The following NBN variants were observed in gnomAD, a reference collection of about 807,000 sequenced individuals.
NBN encodes Nijmegen breakage syndrome 1 (nibrin).
NBN carries 88 observed loss-of-function variants against 90.8 expected under a neutral mutation model. That is an observed-to-expected ratio of 0.97 (90% CI 0.82 to 1.16). NBN has a LOEUF of 1.16. Among genes scored for constraint, NBN ranks in the 50% most tolerant of loss-of-function variants. NBN has a pLI of 0.00. For synonymous variants in NBN, 328 were observed against 295.1 expected (o/e 1.11, Z -1.14); for missense variants, 894 against 869.6 (o/e 1.03, Z -0.35).
At chr8:89,951,589 A>C (rs1035487936) in intron 11 of NBN, among the ~76,000 whole-genome samples, 1 of 152,234 alleles carries the variant, frequency 6.6e-6, no homozygotes, top group Non-Finnish European at 1.5e-5. Context: ...ATGTAAATGT[A>C]TTAAACTTAG....
At chr8:89,968,613 A>C (rs1239186312) in intron 7 of NBN, among the ~76,000 whole-genome samples, 1 of 152,122 alleles carries the variant, frequency 6.6e-6, no homozygotes, top group Non-Finnish European at 1.5e-5. Context: ...TTAATGTATT[A>C]CTGCTGTTGC....
rs1224775392 is a variant in NBN at position 89,984,660 on chromosome 8, A to G, written c.-99T>C. The G allele has an allele frequency of 5.8e-6, 9 of 1,548,616 alleles. No homozygotes were observed. The highest frequency in any genetic ancestry group is 6.1e-6 in the Non-Finnish European group (7 of 1,141,746). On this transcript the variant is annotated 5_prime_UTR_variant, in exon 1 of 16. Coordinates refer to ENST00000265433, the MANE Select transcript of NBN (RefSeq NM_002485.5). ...GCCTGCGGTCGGCATGGGCTCCGGGACGTGCGCGCTCCCGGGAGCCACGCA... is the reference window on the plus strand; with the variant it reads ...GCCTGCGGTCGGCATGGGCTCCGGGGCGTGCGCGCTCCCGGGAGCCACGCA...
chr8:89,978,779 G>A (rs928868088), intron 4 of NBN, among the ~76,000 whole-genome samples: 2 of 152,122 alleles, frequency 1.3e-5, no homozygotes, highest in African/African-American at 4.8e-5. Flanking sequence ...TTGTAACTAT[G>A]CAATAAAGCC....
chr8:89,955,282 CCTT>C lies in NBN; in HGVS notation c.1395_1397del (p.Arg466del). The C allele has an allele frequency of 6.2e-7, 1 of 1,613,214 alleles. No individual in the cohort carries two copies. The highest frequency in any genetic ancestry group is 8.5e-7 in the Non-Finnish European group (1 of 1,179,402). The stretch of plus-strand genomic sequence containing the variant: ...CATGAGAGAAGTTATCAAAAACAGA[CCTT>C]TTTTTGGTAGACGGCTGAAAGTAGT... On this transcript the variant is annotated inframe_deletion and splice_region_variant, in exon 10 of 16. Coordinates refer to ENST00000265433, the MANE Select transcript of NBN (RefSeq NM_002485.5).
Position 89,971,161 on chromosome 8 carries a change from T to C in NBN, c.702+12A>G. 1 of 1,609,682 alleles carries C rather than the reference T, an allele frequency of 6.2e-7. No individual in the cohort carries two copies. Among genetic ancestry groups the C allele is most frequent in the Non-Finnish European group, 8.5e-7 (1 of 1,176,884 alleles). On this transcript the variant is annotated intron_variant, in intron 6 of 15. Transcript: ENST00000265433. Reference sequence around the variant, plus strand: ...GTATTCTTTAGGAAAATTTAGCTTATAACATAATTACCTGTTTGGCATTCA... The same window carrying C: ...GTATTCTTTAGGAAAATTTAGCTTACAACATAATTACCTGTTTGGCATTCA...
At chr8:89,959,006 C>T (rs1041043746) in intron 8 of NBN, 152 bp from the exon 9 acceptor site, 10 of 1,002,966 alleles carry the variant, frequency 1.0e-5, no homozygotes, top group Admixed American at 6.0e-5. Context: ...CCAACAAACA[C>T]AAAACAGTCT....
At chr8:89,943,802 CAGG>C (rs772597209) in intron 13 of NBN, among the ~76,000 whole-genome samples, 1 of 151,986 alleles carries the variant, frequency 6.6e-6, no homozygotes, top group Admixed American at 6.6e-5. Flanking sequence ...AGAGTCCAAG[CAGG>C]AGATGTTGGG....
Position 89,984,601 on chromosome 8 carries a change from G to C in NBN, c.-40C>G, listed in dbSNP as rs730881843. 4 of 1,610,526 alleles carry C rather than the reference G, an allele frequency of 2.5e-6. No individual in the cohort carries two copies. Among genetic ancestry groups the C allele is most frequent in the Admixed American group, 3.3e-5 (2 of 59,802 alleles). On this transcript the variant is annotated 5_prime_UTR_variant, in exon 1 of 16. Coordinates refer to ENST00000265433, the MANE Select transcript of NBN (RefSeq NM_002485.5). ...AGGGCTGGGGCCGACGTGCAACCGC[G>C]TAACCGGGGCTGCTAGACGAGCGCG...
At chr8:89,962,922 G>A (rs867185) in intron 8 of NBN, among the ~76,000 whole-genome samples, 77,487 of 152,068 alleles carry the variant, frequency 0.51, 22,087 homozygotes, top group African/African-American at 0.77. Flanking sequence ...ACTGCAATGT[G>A]ATGTCGTAAC....
intron 1 of NBN, 97 bp from the exon 2 acceptor site, chr8:89,982,952 G>GACA: frequency 7.9e-7 from 1 of 1,258,952 alleles, no homozygotes; most frequent in Non-Finnish European, 1.1e-6. Context: ...ATATAGGTAT[G>GACA]ACAAATATTA....
At chr8:89,976,510 C>A (rs1210283241) in intron 5 of NBN, among the ~76,000 whole-genome samples, 2 of 152,212 alleles carry the variant, frequency 1.3e-5, no homozygotes, top group African/African-American at 4.8e-5. Context: ...ACTGCTCTCT[C>A]CTGGGAGGGG....
At chr8:89,965,468 T>C (rs1275566958) in intron 7 of NBN, among the ~76,000 whole-genome samples, 1 of 152,060 alleles carries the variant, frequency 6.6e-6, no homozygotes, top group Non-Finnish European at 1.5e-5. Context: ...CTACAAAATG[T>C]CTTCAATACT....
At chr8:89,960,909 T>C (rs1016526862) in intron 8 of NBN, among the ~76,000 whole-genome samples, 1 of 152,082 alleles carries the variant, frequency 6.6e-6, no homozygotes, top group African/African-American at 2.4e-5. Flanking sequence ...TCCCCCAAAG[T>C]TGGTTGTGCT....
At chr8:89,959,785 C>G (rs1272586763) in intron 8 of NBN, among the ~76,000 whole-genome samples, 2 of 152,206 alleles carry the variant, frequency 1.3e-5, no homozygotes, top group Admixed American at 1.3e-4. Flanking sequence ...TCACTTATGA[C>G]TAGCTGAGTG....
intron 14 of NBN, 48 bp downstream of exon 14, chr8:89,943,205 G>A: frequency 1.2e-6 from 2 of 1,606,202 alleles, no homozygotes; most frequent in Non-Finnish European, 1.7e-6. Context: ...CACCATAATG[G>A]ACCAAAGTGC....
intron 5 of NBN, among the ~76,000 whole-genome samples, chr8:89,974,947 T>A (rs1275237584): frequency 1.3e-5 from 2 of 152,126 alleles, no homozygotes; most frequent in African/African-American, 4.8e-5. Flanking sequence ...TAATACACCA[T>A]CCTACAACAT....
chr8:89,940,311 G>C (rs1266625876), intron 14 of NBN, among the ~76,000 whole-genome samples: 1 of 151,914 alleles, frequency 6.6e-6, no homozygotes, highest in Non-Finnish European at 1.5e-5. Context: ...TTTTTGTAGA[G>C]ACAGGGTCTC....
chr8:89,981,600 A>C, intron 2 of NBN, 77 bp from the exon 3 acceptor site: 1 of 1,527,674 alleles, frequency 6.5e-7, no homozygotes, highest in Non-Finnish European at 9.0e-7. Flanking sequence ...TTTCAAAAGA[A>C]AAGACAATAG....
rs200891292 is a variant in NBN, at chr8:89,953,635, G to T, written c.1454C>A (p.Thr485Lys). The T allele has an allele frequency of 3.7e-6, 6 of 1,612,648 alleles. No individual in the cohort carries two copies. The highest frequency in any genetic ancestry group is 5.1e-6 in the Non-Finnish European group (6 of 1,179,414). Reference sequence around the variant, plus strand: ...TGTTTGTTCTAAAAGAGAACAAGACGTTTCTATTCTTGCTGATTTGCATGA... The same window carrying T: ...TGTTTGTTCTAAAAGAGAACAAGACTTTTCTATTCTTGCTGATTTGCATGA... ...MSSCKSARIETSCSLLEQTQP... is the reference protein window; with the variant it reads ...MSSCKSARIEKSCSLLEQTQP... The change falls in exon 11 of 16, where the codon ACG (threonine) becomes AAG (lysine). Residue 485 changes from threonine (T) to lysine (K), a missense_variant. Thr to Lys is a moderately conservative substitution (Grantham distance 78). Transcript: ENST00000265433.
Sources: gnomAD v4.1 joint callset for allele counts (sites outside exome capture counted in the v4.1 genomes callset) on GRCh38, gnomAD v4.1.1 for gene constraint, MANE v1.5 for transcripts, NCBI Gene and HGNC (gene_info 2026-07-23, HGNC 2026-07-21) for gene names.